UTRN: variants seen among roughly 807,000 people sequenced by gnomAD.
The protein encoded by UTRN is dystrophin-related protein 1.
A neutral mutation model predicts 463.9 loss-of-function variants in UTRN; 283 were observed. That is an observed-to-expected ratio of 0.61 (90% confidence interval 0.55 to 0.67). The LOEUF (loss-of-function observed/expected upper bound fraction) is 0.67. Among genes scored for constraint, UTRN ranks in the 30% least tolerant of loss-of-function variants. The probability of loss-of-function intolerance (pLI) is 0.00; values close to 1 mark genes in which losing one functional copy is unlikely to be tolerated. For missense variants in UTRN, 3,922 were observed against 4,084.3 expected (o/e 0.96, Z 1.08); for synonymous variants, 1,442 against 1,431.5 (o/e 1.01, Z -0.17).
intron 2 of UTRN, among the ~76,000 whole-genome samples, chr6:144,383,010 C>T (rs1456534237): frequency 6.6e-6 from 1 of 152,184 alleles, no homozygotes; most frequent in Non-Finnish European, 1.5e-5. Flanking sequence ...TGGCTCACTG[C>T]AGCCTCGAAC....
intron 2 of UTRN, among the ~76,000 whole-genome samples, chr6:144,360,850 C>T (rs539093072): frequency 1.3e-5 from 2 of 152,288 alleles, no homozygotes; most frequent in South Asian, 2.1e-4. Context: ...TGTCTCCTTT[C>T]TCTACTCCCT....
chr6:144,428,423 GTT>G (rs11372852), intron 7 of UTRN, among the ~76,000 whole-genome samples: 1 of 138,562 alleles, frequency 7.2e-6, no homozygotes. Flanking sequence ...TTTTTCTGTG[GTT>G]TTTTTTTTTT....
At chr6:144,440,533 T>C (rs566406696) in intron 13 of UTRN, 62 bp downstream of exon 13, 1 of 1,603,438 alleles carries the variant, frequency 6.2e-7, no homozygotes, top group South Asian at 1.1e-5. Context: ...CAATTACATA[T>C]TGCCCTTGTT....
intron 51 of UTRN, among the ~76,000 whole-genome samples, chr6:144,599,185 C>A (rs2128635623): frequency 6.6e-6 from 1 of 152,234 alleles, no homozygotes; most frequent in Non-Finnish European, 1.5e-5. Flanking sequence ...CAGGAATTAA[C>A]CAGCCCATGT....
rs1225060924 is a variant in UTRN, at chr6:144,437,669, T to A, written c.1164T>A (p.Phe388Leu). 4 of 1,614,094 alleles carry A rather than the reference T, an allele frequency of 2.5e-6. No individual in the cohort carries two copies. Among genetic ancestry groups the A allele is most frequent in the Non-Finnish European group, 3.4e-6 (4 of 1,180,044 alleles). Residue 388 changes from phenylalanine to leucine, a missense_variant, in exon 11 of 75, where the codon TTT (phenylalanine) becomes TTA (leucine). This residue lies in a region of UTRN where 2,349 missense variants were observed against 2,303.8 expected (regional missense o/e 1.02). Transcript: ENST00000367545. ...GAACTCTGTCAGACGAAGAAGAATTTGAGATTCAGGAACAGATGACCCTGC... is the reference window on the plus strand; with the variant it reads ...GAACTCTGTCAGACGAAGAAGAATTAGAGATTCAGGAACAGATGACCCTGC... The part of the protein sequence containing the change: ...TQGTLSDEEE[F>L]EIQEQMTLLN...
At chr6:144,460,314 G>T (rs1203976462) in intron 21 of UTRN, among the ~76,000 whole-genome samples, 1 of 152,194 alleles carries the variant, frequency 6.6e-6, no homozygotes, top group Non-Finnish European at 1.5e-5. Flanking sequence ...TAGGAACTGT[G>T]TTGCATTGTG....
chr6:144,479,745 A>G, intron 25 of UTRN, 67 bp from the exon 26 acceptor site: 2 of 1,517,110 alleles, frequency 1.3e-6, no homozygotes, highest in Non-Finnish European at 1.8e-6. Context: ...TTAAATATTA[A>G]GAGCTAAAAC....
chr6:144,543,269 T>C (rs913592418), intron 46 of UTRN, among the ~76,000 whole-genome samples: 1 of 152,220 alleles, frequency 6.6e-6, no homozygotes, highest in African/African-American at 2.4e-5. Context: ...ACCCTGATCA[T>C]GACTGAGAAC....
At chr6:144,669,019 C>T (rs1007298517) in intron 51 of UTRN, among the ~76,000 whole-genome samples, 1 of 152,192 alleles carries the variant, frequency 6.6e-6, no homozygotes, top group African/African-American at 2.4e-5. Context: ...TCTTCATACC[C>T]AGCTCTGGTC....
intron 2 of UTRN, among the ~76,000 whole-genome samples, chr6:144,303,439 C>A (rs1048917741): frequency 2.0e-5 from 3 of 152,194 alleles, no homozygotes; most frequent in Non-Finnish European, 4.4e-5. Flanking sequence ...TACTGTAATT[C>A]AGATTTTCAA....
chr6:144,301,010 C>T (rs1282836927), intron 2 of UTRN, among the ~76,000 whole-genome samples: 1 of 151,818 alleles, frequency 6.6e-6, no homozygotes, highest in Admixed American at 6.6e-5. Flanking sequence ...GAATCTCCAT[C>T]TTATTTAGTG....
intron 2 of UTRN, among the ~76,000 whole-genome samples, chr6:144,367,215 C>T (rs188286969): frequency 2.4e-3 from 367 of 152,094 alleles, no homozygotes; most frequent in Middle Eastern, 6.8e-3. Context: ...GAACTCCTGA[C>T]CTCAAGTGAT....
chr6:144,423,727 C>T, intron 5 of UTRN, 101 bp downstream of exon 5: 1 of 1,376,384 alleles, frequency 7.3e-7, no homozygotes, highest in South Asian at 1.2e-5. Context: ...CTGATTCTTG[C>T]AAACATTTTT....
At position 144,786,602 on chromosome 6, in the gene UTRN, G is replaced by A. The variant is rs141490916; in HGVS notation, c.8835-2592G>A. ...CCGGGCCTGAATGTGTCTTATCTCC[G>A]ATGCTCACACCCCTGCCTCTGTGCC... is the stretch of plus-strand genomic sequence containing the variant. On this transcript the variant is annotated intron_variant, in intron 61 of 74. Coordinates refer to ENST00000367545, the MANE Select transcript of UTRN (RefSeq NM_007124.3). Among the ~76,000 whole-genome samples the A allele has an allele frequency of 8.5e-4, 129 of 152,048 alleles. 2 individuals carry two copies. The highest frequency in any genetic ancestry group is 3.9e-3 in the Admixed American group (59 of 15,260).
chr6:144,438,663 G>C, intron 11 of UTRN, 82 bp from the exon 12 acceptor site: 2 of 1,556,948 alleles, frequency 1.3e-6, no homozygotes, highest in Non-Finnish European at 1.8e-6. Flanking sequence ...CCCTTGCCCT[G>C]TATCTCCGGT....
chr6:144,791,642 A>G (rs559014016), intron 62 of UTRN, among the ~76,000 whole-genome samples: 114 of 150,878 alleles, frequency 7.6e-4, no homozygotes, highest in Middle Eastern at 3.5e-3. Flanking sequence ...GTGCTTATTT[A>G]TTAGAATTTG....
chr6:144,516,506 G>A (rs1795620029), intron 38 of UTRN, 119 bp downstream of exon 38: 1 of 1,196,494 alleles, frequency 8.4e-7, no homozygotes, highest in Non-Finnish European at 1.2e-6. Flanking sequence ...AGATTCAAAT[G>A]TGATTTTTTG....
chr6:144,852,865 A>G lies in UTRN; in HGVS notation c.*1868A>G, dbSNP rs1427278405. On this transcript the variant is annotated 3_prime_UTR_variant, in exon 75 of 75. Transcript: ENST00000367545. ...TTAAAGAAAAGCTACGTAAAACACTACATTGTAACCTTCTAAGTAATAATA... is the reference window on the plus strand; with the variant it reads ...TTAAAGAAAAGCTACGTAAAACACTGCATTGTAACCTTCTAAGTAATAATA... The G allele has an allele frequency of 6.6e-6, 1 of 152,604 alleles. No individual in the cohort carries two copies. Among genetic ancestry groups the G allele is most frequent in the East Asian group, 1.9e-4 (1 of 5,202 alleles). The allele number at this position is 152,604 out of a possible 1,614,324, so 9.5% of individuals were successfully genotyped here. A position where few individuals can be genotyped will look rare whatever the true frequency, so the allele number is the denominator to read the frequency against.
At chr6:144,584,772 T>A (rs982669876) in intron 51 of UTRN, among the ~76,000 whole-genome samples, 3 of 152,114 alleles carry the variant, frequency 2.0e-5, no homozygotes, top group African/African-American at 4.8e-5. Flanking sequence ...AAGAAGTTAA[T>A]TAAAACTTAA....
Sources: allele counts gnomAD v4.1 joint callset (sites outside exome capture counted in the v4.1 genomes callset), GRCh38; gene constraint gnomAD v4.1.1; regional missense constraint gnomAD v4.1.1; transcripts MANE v1.5; gene names NCBI Gene and HGNC (gene_info 2026-07-23, HGNC 2026-07-21).